PLEKHA8: variants seen among roughly 807,000 people sequenced by gnomAD.
The protein encoded by PLEKHA8 is pleckstrin homology domain-containing family A member 8.
PLEKHA8 carries 36 observed loss-of-function variants against 68.2 expected under a neutral mutation model. That is an observed-to-expected ratio of 0.53 (90% CI 0.40 to 0.70). The LOEUF is 0.70. PLEKHA8 is among the 30% of genes least tolerant of loss of function. The probability of loss-of-function intolerance (pLI) is 0.00; values close to 1 mark genes in which losing one functional copy is unlikely to be tolerated. For missense variants in PLEKHA8, 505 were observed against 615.4 expected (o/e 0.82, Z 1.90); for synonymous variants, 211 against 216.1 (o/e 0.98, Z 0.20).
At chr7:30,128,528 C>T (rs1283514853) in intron 13 of PLEKHA8, among the ~76,000 whole-genome samples, 5 of 152,110 alleles carry the variant, frequency 3.3e-5, no homozygotes, top group Admixed American at 3.3e-4. Context: ...ATCTTGGTTT[C>T]TTTTTATTTC....
In PLEKHA8 at chr7:30,079,807, G is replaced by T. The variant is rs1342689416; in HGVS notation, c.*1020G>T. On this transcript the variant is annotated 3_prime_UTR_variant, in exon 14 of 14. Coordinates refer to ENST00000449726, the MANE Select transcript of PLEKHA8 (RefSeq NM_001197026.2). Reference sequence around the variant, plus strand: ...ATCTGCATTTCAGTAAACTTTACACGTGATTCTTCTGCACACAGTATTGAA... The same window carrying T: ...ATCTGCATTTCAGTAAACTTTACACTTGATTCTTCTGCACACAGTATTGAA... 1.2e-5 allele frequency: 11 copies of T among 891,720 alleles called. No individual in the cohort carries two copies. Among genetic ancestry groups the T allele is most frequent in the Non-Finnish European group, 1.2e-5 (9 of 745,022 alleles). The allele number at this position is 891,720 out of a possible 1,614,324, so 55.2% of individuals were successfully genotyped here.
At chr7:30,090,074 A>T in intron 12 of PLEKHA8, 4 of 1,418,130 alleles carry the variant, frequency 2.8e-6, no homozygotes, top group Non-Finnish European at 2.9e-6. Context: ...CTAAAAAAGT[A>T]TCTGGAGATA....
At chr7:30,040,622 A>G (rs1237465811) in intron 1 of PLEKHA8, among the ~76,000 whole-genome samples, 1 of 152,184 alleles carries the variant, frequency 6.6e-6, no homozygotes, top group Non-Finnish European at 1.5e-5. Context: ...TGAAGAAGGG[A>G]GTTTTCATCA....
At chr7:30,127,568 A>G (rs971377966) in intron 13 of PLEKHA8, among the ~76,000 whole-genome samples, 1 of 152,302 alleles carries the variant, frequency 6.6e-6, no homozygotes, top group Non-Finnish European at 1.5e-5. Context: ...GCTAGGGAAA[A>G]ATTGTGAAAG....
intron 13 of PLEKHA8, among the ~76,000 whole-genome samples, chr7:30,125,399 G>C (rs1796756307): frequency 6.6e-6 from 1 of 152,162 alleles, no homozygotes; most frequent in Admixed American, 6.5e-5. Context: ...TATTTACAAT[G>C]AGTTTATTGG....
chr7:30,118,115 C>A (rs1796626447), intron 13 of PLEKHA8: 1 of 1,167,562 alleles, frequency 8.6e-7, no homozygotes, highest in African/African-American at 1.6e-5. Flanking sequence ...TCAGCCTGGA[C>A]TAAATGCCTC....
intron 4 of PLEKHA8, 37 bp from the exon 5 acceptor site, chr7:30,049,187 C>G: frequency 6.2e-7 from 1 of 1,611,860 alleles, no homozygotes; most frequent in Non-Finnish European, 8.5e-7. Context: ...TCTTTTTTGG[C>G]AAGGTAAAGG....
downstream of PLEKHA8, chr7:30,129,499 T>C (rs1408695913): frequency 3.1e-6 from 2 of 649,284 alleles, no homozygotes; most frequent in East Asian, 2.8e-5. Flanking sequence ...TATTATCAGA[T>C]GAATGCAATT....
At chr7:30,090,006 G>A (rs2128005138) in intron 12 of PLEKHA8, 1 of 696,838 alleles carries the variant, frequency 1.4e-6, no homozygotes, top group South Asian at 2.7e-5. Context: ...AAGGATAAAT[G>A]TAGGAGTATC....
intron 13 of PLEKHA8, among the ~76,000 whole-genome samples, chr7:30,113,897 A>G (rs546095564): frequency 3.1e-4 from 46 of 147,728 alleles, no homozygotes; most frequent in African/African-American, 1.2e-3. Context: ...TGTTCAAAAT[A>G]TTACTTTTTT....
At chr7:30,101,177 G>A (rs531661696) in intron 13 of PLEKHA8, among the ~76,000 whole-genome samples, 1 of 145,190 alleles carries the variant, frequency 6.9e-6, no homozygotes, top group Admixed American at 6.9e-5. Flanking sequence ...GTGAGACTTG[G>A]GGGAAAAAAA....
chr7:30,068,163 C>T (rs1009841814), intron 12 of PLEKHA8, among the ~76,000 whole-genome samples: 5 of 152,216 alleles, frequency 3.3e-5, no homozygotes, highest in Non-Finnish European at 5.9e-5. Context: ...ACACAGATTG[C>T]TCTGTAGGCC....
At chr7:30,099,997 T>C (rs1795790092) in intron 13 of PLEKHA8, among the ~76,000 whole-genome samples, 1 of 152,190 alleles carries the variant, frequency 6.6e-6, no homozygotes, top group Admixed American at 6.5e-5. Flanking sequence ...GGAGGGATCC[T>C]TCCTTACCTC....
chr7:30,055,230 TCTC>T, intron 8 of PLEKHA8, 24 bp from the exon 9 acceptor site: 1 of 1,593,422 alleles, frequency 6.3e-7, no homozygotes, highest in Non-Finnish European at 8.6e-7. Flanking sequence ...TTCAATCTTT[TCTC>T]CTCCATATCA....
In PLEKHA8 at chr7:30,082,260, G is replaced by T. The variant is rs1446459947; in HGVS notation, c.*3473G>T. 13 of 985,340 alleles carry T rather than the reference G, an allele frequency of 1.3e-5. No individual in the cohort carries two copies. The East Asian group carries it at 4.5e-4, about 34-fold the overall frequency. 61.0% of individuals were successfully genotyped at this position (985,340 alleles called of 1,614,324 possible). On this transcript the variant is annotated 3_prime_UTR_variant, in exon 14 of 14. Coordinates refer to ENST00000449726, the MANE Select transcript of PLEKHA8 (RefSeq NM_001197026.2). ...CTGAACTCCATAGTCCAGCGTTGTTGCTTTTCTCTCTTCTTTGCTACTGAA... is the reference window on the plus strand; with the variant it reads ...CTGAACTCCATAGTCCAGCGTTGTTTCTTTTCTCTCTTCTTTGCTACTGAA...
rs777862046 is a variant in PLEKHA8 at position 30,080,932 on chromosome 7, A to G, written c.*2145A>G. On this transcript the variant is annotated 3_prime_UTR_variant, in exon 14 of 14. Coordinates refer to ENST00000449726, the MANE Select transcript of PLEKHA8 (RefSeq NM_001197026.2). ...GGGATGATACCAGGTGGTTGTTAGAATTGTGCAGTGTGATCATTCTAAACA... is the reference window on the plus strand; with the variant it reads ...GGGATGATACCAGGTGGTTGTTAGAGTTGTGCAGTGTGATCATTCTAAACA... 1.4e-4 allele frequency: 137 copies of G among 985,394 alleles called. No homozygotes were observed. Among genetic ancestry groups the G allele is most frequent in the Middle Eastern group, 1.0e-3 (2 of 1,914 alleles). 61.0% of individuals were successfully genotyped at this position (985,394 alleles called of 1,614,324 possible).
intron 12 of PLEKHA8, among the ~76,000 whole-genome samples, chr7:30,066,559 A>G (rs565687399): frequency 3.3e-5 from 5 of 152,114 alleles, no homozygotes; most frequent in African/African-American, 1.2e-4. Context: ...TTCAGGAGGG[A>G]GTTGGGTTCA....
chr7:30,115,842 A>G (rs983039361), intron 13 of PLEKHA8: 71 of 148,340 alleles, frequency 4.8e-4, no homozygotes, highest in Middle Eastern at 3.4e-3. Flanking sequence ...ATACATGTAT[A>G]CACGTATGCA....
chr7:30,035,399 A>G (rs1204757491), intron 1 of PLEKHA8, among the ~76,000 whole-genome samples: 1 of 152,144 alleles, frequency 6.6e-6, no homozygotes, highest in Non-Finnish European at 1.5e-5. Flanking sequence ...TTCATAGTTC[A>G]CTTTAAGGGT....
Sources: gnomAD v4.1 joint callset for allele counts (sites outside exome capture counted in the v4.1 genomes callset) on GRCh38, gnomAD v4.1.1 for gene constraint, MANE v1.5 for transcripts, NCBI Gene and HGNC (gene_info 2026-07-23, HGNC 2026-07-21) for gene names.